DOCK8: variants seen among roughly 807,000 people sequenced by gnomAD.
DOCK8 encodes dedicator of cytokinesis protein 8.
In DOCK8, 141 loss-of-function variants were observed where a neutral mutation model predicts 245.6. The observed-to-expected ratio is 0.57, with a 90% confidence interval of 0.50 to 0.66. The LOEUF (loss-of-function observed/expected upper bound fraction) is 0.66. Among genes scored for constraint, DOCK8 ranks in the 30% least tolerant of loss-of-function variants. The pLI, the probability that DOCK8 is intolerant of heterozygous loss-of-function variation, is 0.00. For synonymous variants in DOCK8, 1,168 were observed against 970.2 expected (o/e 1.20, Z -3.79); for missense variants, 2,965 against 2,603.4 (o/e 1.14, Z -3.02).
rs527914737 is a variant in DOCK8 at position 371,542 on chromosome 9, C to T, written c.1983C>T (p.Ser661=). The T allele has an allele frequency of 6.2e-6, 10 of 1,614,080 alleles. No homozygotes were observed. Among genetic ancestry groups the T allele is most frequent in the Admixed American group, 3.3e-5 (2 of 60,000 alleles). Residue 661 remains serine (S), a synonymous_variant, in exon 17 of 48, where the codon TCC becomes TCT. Coordinates refer to ENST00000432829, the MANE Select transcript of DOCK8 (RefSeq NM_203447.4). ...GCTGTCAGCAGAAGCAAGGAGCCTCCGTGGAAACTCTCCTGGGATATTCAG... is the reference window on the plus strand; with the variant it reads ...GCTGTCAGCAGAAGCAAGGAGCCTCTGTGGAAACTCTCCTGGGATATTCAG... ...HISCQQKQGA[S]VETLLGYSWL...
At chr9:438,875 G>A (rs544767803) in intron 39 of DOCK8, among the ~76,000 whole-genome samples, 7 of 152,312 alleles carry the variant, frequency 4.6e-5, no homozygotes, top group East Asian at 1.9e-4. Flanking sequence ...AGGTCCACTC[G>A]GTGAAACAGG....
At chr9:376,728 G>T (rs1196027942) in intron 19 of DOCK8, among the ~76,000 whole-genome samples, 2 of 152,150 alleles carry the variant, frequency 1.3e-5, no homozygotes, top group Admixed American at 6.5e-5. Flanking sequence ...GCTGACCTCT[G>T]CTTACAGAAC....
At chr9:238,833 T>G (rs961548853) in intron 1 of DOCK8, among the ~76,000 whole-genome samples, 2 of 152,340 alleles carry the variant, frequency 1.3e-5, no homozygotes, top group Middle Eastern at 3.4e-3. Context: ...CAATAATTAT[T>G]TACTGAGTTA....
rs993936437 is a variant in DOCK8 at position 286,537 on chromosome 9, A to G, written c.233A>G (p.Gln78Arg). The G allele has an allele frequency of 6.2e-7, 1 of 1,613,934 alleles. No individual in the cohort carries two copies. The highest frequency in any genetic ancestry group is 1.7e-5 in the Admixed American group (1 of 59,986). The change falls in exon 3 of 48, where the codon CAG becomes CGG. Residue 78 changes from glutamine (Q) to arginine (R), a missense_variant. By Grantham distance (43) the Gln-to-Arg change is conservative (BLOSUM62 1). Transcript: ENST00000432829. ...LMTHLNSLDV[Q>R]LAQELGDFTD... ...ACACACCTGAACAGCCTGGATGTGC[A>G]GCTTGCCCAGGAGCTCGGGGACTTC...
intron 5 of DOCK8, among the ~76,000 whole-genome samples, chr9:311,451 T>C (rs529488535): frequency 1.3e-5 from 2 of 150,656 alleles, no homozygotes; most frequent in Admixed American, 6.6e-5. Flanking sequence ...CTGAGTCTCA[T>C]TGTGTTGCCC....
intron 1 of DOCK8, among the ~76,000 whole-genome samples, chr9:266,095 G>A (rs1200168807): frequency 6.6e-6 from 1 of 152,132 alleles, no homozygotes; most frequent in East Asian, 1.9e-4. Flanking sequence ...AACGTGCATT[G>A]TCTTCTCCAT....
chr9:325,654 C>T lies in DOCK8; in HGVS notation c.828-17C>T, dbSNP rs2050734288. On this transcript the variant is annotated splice_polypyrimidine_tract_variant and intron_variant, in intron 7 of 47. Coordinates refer to ENST00000432829, the MANE Select transcript of DOCK8 (RefSeq NM_203447.4). ...CTAACTCAAAGCCACATAGATTTTCCTCTCTTTCTATGGTAGGTTCGAGAT... is the reference window on the plus strand; with the variant it reads ...CTAACTCAAAGCCACATAGATTTTCTTCTCTTTCTATGGTAGGTTCGAGAT... 1 of 1,610,870 alleles carries T rather than the reference C, an allele frequency of 6.2e-7. No homozygotes were observed. The highest frequency in any genetic ancestry group is 8.5e-7 in the Non-Finnish European group (1 of 1,177,204).
chr9:219,389 T>C (rs540875692), intron 1 of DOCK8, among the ~76,000 whole-genome samples: 1 of 152,216 alleles, frequency 6.6e-6, no homozygotes, highest in South Asian at 2.1e-4. Context: ...GATAATTGCT[T>C]GAACCTGGGA....
intron 28 of DOCK8, among the ~76,000 whole-genome samples, chr9:411,711 T>C (rs1022082951): frequency 2.6e-5 from 4 of 151,958 alleles, no homozygotes; most frequent in African/African-American, 9.7e-5. Context: ...GCAAACTGAA[T>C]CCAACAGCAT....
intron 22 of DOCK8, among the ~76,000 whole-genome samples, chr9:384,474 C>A (rs1444397393): frequency 2.0e-5 from 3 of 152,212 alleles, no homozygotes; most frequent in Non-Finnish European, 2.9e-5. Context: ...AGGAAATCTG[C>A]AGGCCAGGGT....
At chr9:215,974 G>A (rs1022113328) in intron 1 of DOCK8, among the ~76,000 whole-genome samples, 2 of 152,208 alleles carry the variant, frequency 1.3e-5, no homozygotes, top group African/African-American at 4.8e-5. Flanking sequence ...AGCTGAGCCT[G>A]TGAAAGGTGG....
intron 1 of DOCK8, among the ~76,000 whole-genome samples, chr9:260,860 A>G (rs2047902060): frequency 6.6e-6 from 1 of 152,226 alleles, no homozygotes; most frequent in Non-Finnish European, 1.5e-5. Context: ...CCATAATAAA[A>G]AGGAATGAAC....
intron 42 of DOCK8, among the ~76,000 whole-genome samples, chr9:443,226 A>G (rs1306231696): frequency 2.0e-5 from 3 of 152,186 alleles, no homozygotes; most frequent in Non-Finnish European, 4.4e-5. Context: ...TCTTATAGGG[A>G]AGCATATACC....
At chr9:344,097 T>TG (rs1365008554) in intron 14 of DOCK8, among the ~76,000 whole-genome samples, 7 of 152,296 alleles carry the variant, frequency 4.6e-5, no homozygotes, top group South Asian at 2.1e-4. Context: ...TGAGCTGTAC[T>TG]GGCCACTGTA....
chr9:375,443 CTG>C (rs942187887), intron 18 of DOCK8, among the ~76,000 whole-genome samples: 1 of 152,168 alleles, frequency 6.6e-6, no homozygotes, highest in African/African-American at 2.4e-5. Flanking sequence ...CTTGGAAAAA[CTG>C]TGGTGAAAGG....
At chr9:414,022 G>T (rs1228476427) in intron 28 of DOCK8, among the ~76,000 whole-genome samples, 1 of 151,912 alleles carries the variant, frequency 6.6e-6, no homozygotes, top group Admixed American at 6.6e-5. Context: ...GGTGCCTGTA[G>T]TCCCCGCTAC....
intron 26 of DOCK8, among the ~76,000 whole-genome samples, chr9:401,680 C>T (rs2055110616): frequency 6.6e-6 from 1 of 152,090 alleles, no homozygotes; most frequent in African/African-American, 2.4e-5. Context: ...CACCAGTCGA[C>T]AGTGAAGAAA....
chr9:272,665 T>C (rs1250670085), intron 2 of DOCK8, among the ~76,000 whole-genome samples: 3 of 152,150 alleles, frequency 2.0e-5, no homozygotes. Flanking sequence ...GGGATTACAG[T>C]GAGCCACTGC....
chr9:379,411 T>A (rs1563985699), intron 20 of DOCK8, among the ~76,000 whole-genome samples: 1 of 152,164 alleles, frequency 6.6e-6, no homozygotes, highest in Non-Finnish European at 1.5e-5. Flanking sequence ...GGCCTGAGAT[T>A]CTGCATTTCT....
Sources: gnomAD v4.1 joint callset for allele counts (sites outside exome capture counted in the v4.1 genomes callset) on GRCh38, gnomAD v4.1.1 for gene constraint, MANE v1.5 for transcripts, NCBI Gene and HGNC (gene_info 2026-07-23, HGNC 2026-07-21) for gene names.